Variants in ADK observed in about 807,000 individuals in gnomAD.
ADK encodes adenosine kinase.
Under a neutral mutation model 44.7 loss-of-function variants are expected in ADK, and 24 were observed. That is an observed-to-expected ratio of 0.54 (90% CI 0.39 to 0.76). The LOEUF is 0.76. Among genes scored for constraint, ADK ranks in the 30% least tolerant of loss-of-function variants. The probability of loss-of-function intolerance (pLI) is 0.00; values close to 1 mark genes in which losing one functional copy is unlikely to be tolerated. For synonymous variants in ADK, 128 were observed against 142.6 expected (o/e 0.90, Z 0.73); for missense variants, 321 against 425.1 (o/e 0.76, Z 2.15).
chr10:74,671,820 A>C (rs746176144), intron 10 of ADK, among the ~76,000 whole-genome samples: 10 of 152,224 alleles, frequency 6.6e-5, no homozygotes, highest in Non-Finnish European at 1.3e-4. Context: ...ATTCAGTGGG[A>C]CACATAATGA....
At chr10:74,579,219 G>A (rs1206099432) in intron 7 of ADK, among the ~76,000 whole-genome samples, 1 of 146,978 alleles carries the variant, frequency 6.8e-6, no homozygotes, top group African/African-American at 2.6e-5. Context: ...GGGCAACAGA[G>A]TGAGACCCTG....
chr10:74,626,194 A>G (rs1023274484), intron 9 of ADK, among the ~76,000 whole-genome samples: 90 of 152,200 alleles, frequency 5.9e-4, no homozygotes, highest in African/African-American at 2.0e-3. Context: ...AACATTAAAA[A>G]CTTGTGTCCA....
intron 3 of ADK, among the ~76,000 whole-genome samples, chr10:74,270,258 C>T (rs748909463): frequency 4.6e-5 from 7 of 152,128 alleles, no homozygotes; most frequent in Middle Eastern, 3.4e-3. Flanking sequence ...AAAATGGAAA[C>T]GGTTGAAAAT....
chr10:74,341,302 T>G (rs1291340224), intron 4 of ADK, among the ~76,000 whole-genome samples: 2 of 151,842 alleles, frequency 1.3e-5, no homozygotes, highest in African/African-American at 2.4e-5. Context: ...AGGTGGATTA[T>G]GAGGTCAGGA....
intron 6 of ADK, among the ~76,000 whole-genome samples, chr10:74,443,300 T>G (rs1391270909): frequency 6.6e-6 from 1 of 152,100 alleles, no homozygotes; most frequent in Non-Finnish European, 1.5e-5. Context: ...TTTTTGTCAG[T>G]TATAACTCAA....
chr10:74,597,077 T>C (rs1437917647), intron 8 of ADK, among the ~76,000 whole-genome samples: 1 of 152,220 alleles, frequency 6.6e-6, no homozygotes, highest in African/African-American at 2.4e-5. Context: ...TTCAAAACTC[T>C]TGAAGCCCTT....
chr10:74,569,865 T>C (rs571825312), intron 7 of ADK, among the ~76,000 whole-genome samples: 1 of 152,344 alleles, frequency 6.6e-6, no homozygotes, highest in South Asian at 2.1e-4. Context: ...ATGTCCTGAA[T>C]GGTATTGCCT....
chr10:74,329,816 G>A (rs1284025450), intron 4 of ADK, among the ~76,000 whole-genome samples: 1 of 152,112 alleles, frequency 6.6e-6, no homozygotes, highest in African/African-American at 2.4e-5. Flanking sequence ...ATTTATGTAT[G>A]TATGAACAAT....
chr10:74,589,151 T>C lies in ADK; in HGVS notation c.727-131T>C, dbSNP rs1851630181. The C allele has an allele frequency of 3.8e-6, 3 of 780,828 alleles. No homozygotes were observed. In the Admixed American group the frequency reaches 7.7e-5, roughly 20 times the overall value. 48.4% of individuals were successfully genotyped at this position (780,828 alleles called of 1,614,324 possible). On this transcript the variant is annotated intron_variant, in intron 7 of 10. Coordinates refer to ENST00000539909, the MANE Select transcript of ADK (RefSeq NM_006721.4). ...AAAGAAATCTTTATTGCTGTAAGAA[T>C]AAAAATTGAACTATGTGGGTATATT...
At chr10:74,282,516 C>T (rs1846981014) in intron 3 of ADK, among the ~76,000 whole-genome samples, 1 of 151,858 alleles carries the variant, frequency 6.6e-6, no homozygotes, top group South Asian at 2.1e-4. Flanking sequence ...ATAATAATTC[C>T]CTGAAGCTTT....
chr10:74,630,258 A>T (rs1853361715), intron 9 of ADK, among the ~76,000 whole-genome samples: 1 of 152,108 alleles, frequency 6.6e-6, no homozygotes, highest in South Asian at 2.1e-4. Context: ...TAAAACCAGC[A>T]AACTACTATA....
intron 4 of ADK, among the ~76,000 whole-genome samples, chr10:74,380,320 A>G (rs971836102): frequency 3.9e-5 from 6 of 152,332 alleles, no homozygotes; most frequent in South Asian, 4.1e-4. Flanking sequence ...CAAACAAAAT[A>G]AATCATTATA....
At chr10:74,529,398 G>C (rs954600225) in intron 7 of ADK, 4 of 152,130 alleles carry the variant, frequency 2.6e-5, no homozygotes, top group African/African-American at 9.7e-5. Flanking sequence ...TAAGTACAGA[G>C]CTTCTGTTTG....
At chr10:74,529,675 G>C (rs992712776) in intron 7 of ADK, among the ~76,000 whole-genome samples, 1 of 151,974 alleles carries the variant, frequency 6.6e-6, no homozygotes, top group Non-Finnish European at 1.5e-5. Context: ...GTAAGTCATG[G>C]GGCAAGAAAA....
At chr10:74,417,594 A>G (rs1844416750) in intron 6 of ADK, among the ~76,000 whole-genome samples, 1 of 152,160 alleles carries the variant, frequency 6.6e-6, no homozygotes, top group Non-Finnish European at 1.5e-5. Context: ...TCCTGACAGC[A>G]ATCCTGAAAC....
intron 6 of ADK, among the ~76,000 whole-genome samples, chr10:74,512,029 A>G (rs1023818410): frequency 1.3e-5 from 2 of 152,176 alleles, no homozygotes; most frequent in Non-Finnish European, 2.9e-5. Context: ...AATTTTATCA[A>G]AAGCATTTTC....
intron 6 of ADK, among the ~76,000 whole-genome samples, chr10:74,500,866 A>G (rs1254318814): frequency 2.0e-5 from 3 of 152,182 alleles, no homozygotes; most frequent in African/African-American, 7.2e-5. Flanking sequence ...GAAATTATTG[A>G]TGTCTGAAAG....
chr10:74,259,456 CT>C (rs66533506), intron 3 of ADK, among the ~76,000 whole-genome samples: 43,659 of 105,526 alleles, frequency 0.41, 6,385 homozygotes, highest in Middle Eastern at 0.54. Flanking sequence ...TTTTCTTTTC[CT>C]TTTTTTTTTT....
chr10:74,588,746 C>T (rs1329313444), intron 7 of ADK, among the ~76,000 whole-genome samples: 1 of 152,102 alleles, frequency 6.6e-6, no homozygotes, highest in East Asian at 1.9e-4. Flanking sequence ...CTCCCGTGAC[C>T]AGCATATAAT....
Sources: allele counts gnomAD v4.1 joint callset (sites outside exome capture counted in the v4.1 genomes callset), GRCh38; gene constraint gnomAD v4.1.1; transcripts MANE v1.5; gene names NCBI Gene and HGNC (gene_info 2026-07-23, HGNC 2026-07-21).